Variants in SNX30 observed in about 807,000 individuals in gnomAD.
SNX30 encodes the protein sorting nexin family member 30, also known as sorting nexin-30.
Under a neutral mutation model 46.4 loss-of-function variants are expected in SNX30, and 24 were observed. That is an observed-to-expected ratio of 0.52 (90% confidence interval 0.37 to 0.73). The LOEUF (loss-of-function observed/expected upper bound fraction) is 0.73, where lower values mean the gene tolerates loss of function less well. SNX30 is among the 30% of genes least tolerant of loss of function. The pLI is 0.00. For synonymous variants in SNX30, 189 were observed against 211.5 expected (o/e 0.89, Z 0.92); for missense variants, 533 against 555.7 (o/e 0.96, Z 0.41).
intron 4 of SNX30, among the ~76,000 whole-genome samples, chr9:112,831,139 TAA>T (rs77607146): frequency 2.4e-4 from 28 of 119,054 alleles, no homozygotes; most frequent in Admixed American, 4.3e-4. Flanking sequence ...CCTATCTCTT[TAA>T]AAAAAAAAAA....
intron 4 of SNX30, among the ~76,000 whole-genome samples, chr9:112,833,437 C>T (rs544235414): frequency 1.3e-5 from 2 of 152,288 alleles, no homozygotes; most frequent in Non-Finnish European, 1.5e-5. Flanking sequence ...AGCAGGTAGA[C>T]CACCTGAGCC....
chr9:112,859,199 C>T (rs916473601), intron 7 of SNX30, among the ~76,000 whole-genome samples: 1 of 152,114 alleles, frequency 6.6e-6, no homozygotes, highest in African/African-American at 2.4e-5. Context: ...CTGTGACTGG[C>T]TTATTTCACT....
At chr9:112,823,815 A>G (rs975228442) in intron 3 of SNX30, among the ~76,000 whole-genome samples, 1 of 152,086 alleles carries the variant, frequency 6.6e-6, no homozygotes, top group Admixed American at 6.6e-5. Flanking sequence ...TAGCTTATTC[A>G]ATGGATAAGT....
At chr9:112,777,855 C>T (rs1839775693) in intron 1 of SNX30, among the ~76,000 whole-genome samples, 1 of 152,090 alleles carries the variant, frequency 6.6e-6, no homozygotes, top group Admixed American at 6.6e-5. Flanking sequence ...TCTTTTACCC[C>T]TCATTTGCTA....
chr9:112,881,045 G>T (rs949297059), intron 5 of SNX30, among the ~76,000 whole-genome samples: 5 of 152,180 alleles, frequency 3.3e-5, no homozygotes, highest in Non-Finnish European at 7.3e-5. Context: ...ATTGCAAGCA[G>T]AATTAGCTGC....
At chr9:112,813,196 G>T (rs1840345943) in intron 2 of SNX30, among the ~76,000 whole-genome samples, 1 of 151,996 alleles carries the variant, frequency 6.6e-6, no homozygotes, top group African/African-American at 2.4e-5. Context: ...GGTTGTGGTG[G>T]CTCATGCCTG....
chr9:112,783,879 A>G (rs1839881988), intron 1 of SNX30, among the ~76,000 whole-genome samples: 1 of 152,226 alleles, frequency 6.6e-6, no homozygotes, highest in South Asian at 2.1e-4. Context: ...GGCAGCTGTC[A>G]CGTGGGTAAG....
intron 2 of SNX30, among the ~76,000 whole-genome samples, chr9:112,807,993 A>G (rs932848298): frequency 2.0e-5 from 3 of 152,202 alleles, no homozygotes; most frequent in African/African-American, 4.8e-5. Context: ...TTTACTTTTT[A>G]TCATTTCTTT....
chr9:112,755,166 C>T (rs1268555537), intron 1 of SNX30, among the ~76,000 whole-genome samples: 1 of 152,112 alleles, frequency 6.6e-6, no homozygotes, highest in Admixed American at 6.6e-5. Flanking sequence ...ACCATAAATG[C>T]CATGGAAGGA....
intron 1 of SNX30, among the ~76,000 whole-genome samples, chr9:112,773,559 T>C (rs1053558339): frequency 1.3e-5 from 2 of 152,178 alleles, no homozygotes; most frequent in Non-Finnish European, 2.9e-5. Context: ...TAGGTGCATC[T>C]TGAGGTGTGT....
At chr9:112,809,969 G>A (rs1840293545) in intron 2 of SNX30, among the ~76,000 whole-genome samples, 1 of 152,136 alleles carries the variant, frequency 6.6e-6, no homozygotes, top group Admixed American at 6.5e-5. Context: ...TTGAAGATTG[G>A]AGAGTAGGAT....
intron 1 of SNX30, among the ~76,000 whole-genome samples, chr9:112,769,550 T>G (rs1780721790): frequency 6.6e-6 from 1 of 152,214 alleles, no homozygotes; most frequent in South Asian, 2.1e-4. Context: ...GAGCTGAATC[T>G]TCACTTGGCT....
At position 112,774,163 on chromosome 9, in the gene SNX30, TG is replaced by T. The variant is rs1839700341; in HGVS notation, c.156+23007del. 3.9e-5 allele frequency among the ~76,000 whole-genome samples: 6 copies of T among 152,326 alleles called. No homozygotes were observed. The South Asian group carries it at 8.3e-4, about 21-fold the overall frequency. ...CTAGCCAAATCCCCACTGGAGAGTC[TG>T]TTGCATTTCAGGGCTTTTCAGGTTT... On this transcript the variant is annotated intron_variant, in intron 1 of 8. Transcript: ENST00000374232.
rs1261804097 is a variant in SNX30 at position 112,880,891 on chromosome 9, G to T, written n.3824+419G>T. Among the ~76,000 whole-genome samples, 3 of 152,114 alleles carry T rather than the reference G, an allele frequency of 2.0e-5. No individual in the cohort carries two copies. In the East Asian group the frequency reaches 5.8e-4, roughly 29 times the overall value. Reference sequence around the variant, plus strand: ...CTTACTCCAGGTTCATTCCAGTCTTGCAAGTACTGAACTTCTCCATTTCCC... The same window carrying T: ...CTTACTCCAGGTTCATTCCAGTCTTTCAAGTACTGAACTTCTCCATTTCCC... On this transcript the variant is annotated intron_variant and non_coding_transcript_variant, in intron 5 of 5. Transcript: ENST00000604751.
intron 7 of SNX30, among the ~76,000 whole-genome samples, chr9:112,851,440 G>C (rs1588138400): frequency 1.3e-5 from 2 of 152,210 alleles, no homozygotes; most frequent in Admixed American, 6.5e-5. Context: ...AGCAAGCTGC[G>C]TGCTGGTTCT....
chr9:112,875,090 G>C (rs1470430805), downstream of SNX30: 1 of 152,140 alleles, frequency 6.6e-6, no homozygotes, highest in Non-Finnish European at 1.5e-5. Flanking sequence ...CAGTTTGCCT[G>C]TAAGAATCAA....
chr9:112,828,292 C>T (rs1301762476), intron 3 of SNX30, among the ~76,000 whole-genome samples: 2 of 151,896 alleles, frequency 1.3e-5, no homozygotes, highest in African/African-American at 2.4e-5. Context: ...GTTTAGGTAC[C>T]CAAGTACTTG....
At chr9:112,878,843 A>G (rs1841544932), downstream of SNX30, 1 of 152,184 alleles carries the variant, frequency 6.6e-6, no homozygotes, top group Non-Finnish European at 1.5e-5. Flanking sequence ...GCAGCCGTGT[A>G]TTTTATCCTG....
intron 1 of SNX30, among the ~76,000 whole-genome samples, chr9:112,757,102 C>T (rs1839362393): frequency 6.6e-6 from 1 of 152,186 alleles, no homozygotes; most frequent in South Asian, 2.1e-4. Flanking sequence ...CTTGTACACT[C>T]CTCCATATCT....
Sources: gnomAD v4.1 joint callset for allele counts (sites outside exome capture counted in the v4.1 genomes callset) on GRCh38, gnomAD v4.1.1 for gene constraint, MANE v1.5 for transcripts, NCBI Gene and HGNC (gene_info 2026-07-23, HGNC 2026-07-21) for gene names.